Variants in STAG1 observed in about 807,000 individuals in gnomAD.
STAG1 encodes STAG1 cohesin complex component.
A neutral mutation model predicts 170.9 loss-of-function variants in STAG1; 26 were observed. The ratio of observed to expected loss-of-function variants is 0.15; its 90% confidence interval spans 0.11 to 0.21. The LOEUF (loss-of-function observed/expected upper bound fraction) is 0.21. Ranked by LOEUF, STAG1 falls within the 10% of genes least tolerant of loss-of-function variation. The probability of loss-of-function intolerance (pLI) is 1.00; values close to 1 mark genes in which losing one functional copy is unlikely to be tolerated. For synonymous variants in STAG1, 514 were observed against 497.7 expected, an observed-to-expected ratio of 1.03 and a Z score of -0.44; for missense variants, 964 against 1,509.5, an observed-to-expected ratio of 0.64 and a Z score of 5.99.
At chr3:136,746,577 T>C (rs1934944848) in intron 1 of STAG1, among the ~76,000 whole-genome samples, 1 of 152,224 alleles carries the variant, frequency 6.6e-6, no homozygotes, top group Admixed American at 6.5e-5. Context: ...CTTGGACTGC[T>C]AAACCGTATG....
chr3:136,476,613 T>C (rs1024406718), intron 10 of STAG1, among the ~76,000 whole-genome samples: 1 of 152,200 alleles, frequency 6.6e-6, no homozygotes, highest in African/African-American at 2.4e-5. Context: ...GTAGTATTCA[T>C]GAAAAATACT....
intron 14 of STAG1, among the ~76,000 whole-genome samples, chr3:136,448,456 G>C (rs2088846866): frequency 6.6e-6 from 1 of 152,092 alleles, no homozygotes; most frequent in African/African-American, 2.4e-5. Flanking sequence ...CTTGTGCAGG[G>C]GAAATCCCAT....
At chr3:136,605,255 C>G (rs985204041) in intron 3 of STAG1, among the ~76,000 whole-genome samples, 1 of 152,156 alleles carries the variant, frequency 6.6e-6, no homozygotes, top group Non-Finnish European at 1.5e-5. Flanking sequence ...AGTTTACATT[C>G]TTTAATTAAC....
intron 9 of STAG1, among the ~76,000 whole-genome samples, chr3:136,478,334 C>A (rs901239446): frequency 6.6e-6 from 1 of 152,148 alleles, no homozygotes; most frequent in Non-Finnish European, 1.5e-5. Context: ...AAGTAAGCAT[C>A]CAATATAACC....
At chr3:136,667,930 G>A (rs755929242) in intron 1 of STAG1, among the ~76,000 whole-genome samples, 9 of 152,070 alleles carry the variant, frequency 5.9e-5, no homozygotes, top group Non-Finnish European at 1.0e-4. Context: ...GCTCATGCCT[G>A]TAATCCCAGC....
At chr3:136,451,377 T>C (rs192587682) in intron 14 of STAG1, among the ~76,000 whole-genome samples, 3 of 152,286 alleles carry the variant, frequency 2.0e-5, no homozygotes, top group Non-Finnish European at 4.4e-5. Context: ...TCAAACAAGA[T>C]AAAACTAATG....
chr3:136,716,904 T>C (rs1036950694), intron 1 of STAG1, among the ~76,000 whole-genome samples: 4 of 152,246 alleles, frequency 2.6e-5, no homozygotes, highest in Non-Finnish European at 5.9e-5. Context: ...TTTCCTCATA[T>C]ATGAAGTGAG....
chr3:136,505,855 A>G (rs699165), intron 7 of STAG1, among the ~76,000 whole-genome samples: 112,373 of 152,174 alleles, frequency 0.74, 41,726 homozygotes, highest in East Asian at 0.86. Context: ...GAATGGTCAC[A>G]TGATTCCACA....
At chr3:136,405,605 C>G (rs1413677813) in intron 21 of STAG1, among the ~76,000 whole-genome samples, 1 of 151,160 alleles carries the variant, frequency 6.6e-6, no homozygotes, top group Non-Finnish European at 1.5e-5. Flanking sequence ...CCTGTACTCC[C>G]AGCACTTTGG....
chr3:136,438,188 A>G (rs2088511968), intron 15 of STAG1, among the ~76,000 whole-genome samples: 2 of 151,156 alleles, frequency 1.3e-5, no homozygotes, highest in Middle Eastern at 3.5e-3. Flanking sequence ...CTATCTAGAT[A>G]GCTCTTTTAT....
rs964661767 is a variant in STAG1 at position 136,417,544 on chromosome 3, C to G, written c.2196+341G>C. ...AAGCCATACTTAATATGATTAATAC[C>G]TAGAACACGGCTGGAATATACCCAT... On this transcript the variant is annotated intron_variant, in intron 21 of 33. Coordinates refer to ENST00000383202, the MANE Select transcript of STAG1 (RefSeq NM_005862.3). 5.5e-5 allele frequency: 11 copies of G among 200,468 alleles called. No homozygotes were observed. The South Asian group carries it at 9.1e-4, about 17-fold the overall frequency. 12.4% of individuals were successfully genotyped at this position (200,468 alleles called of 1,614,324 possible). A position where few individuals can be genotyped will look rare whatever the true frequency, so the allele number is the denominator to read the frequency against.
At chr3:136,508,887 C>T (rs555420870) in intron 7 of STAG1, among the ~76,000 whole-genome samples, 7 of 149,472 alleles carry the variant, frequency 4.7e-5, no homozygotes, top group Middle Eastern at 3.5e-3. Flanking sequence ...CGCGCGTGCG[C>T]GAGAGAGAGA....
intron 14 of STAG1, among the ~76,000 whole-genome samples, chr3:136,447,864 G>A (rs996457685): frequency 1.1e-4 from 16 of 152,000 alleles, no homozygotes; most frequent in African/African-American, 3.4e-4. Flanking sequence ...TGATCTGCCC[G>A]CCTCCACCTC....
intron 1 of STAG1, among the ~76,000 whole-genome samples, chr3:136,735,673 C>T (rs1025496024): frequency 3.3e-5 from 5 of 152,058 alleles, no homozygotes; most frequent in South Asian, 2.1e-4. Flanking sequence ...AGTGCAATGG[C>T]GCGATTTCTG....
chr3:136,519,640 G>T (rs1306657425), intron 7 of STAG1, among the ~76,000 whole-genome samples: 3 of 149,180 alleles, frequency 2.0e-5, no homozygotes, highest in Non-Finnish European at 4.5e-5. Flanking sequence ...AAAGTATAAA[G>T]AAAAGAAAAA....
At chr3:136,344,622 CT>C (rs1448124711) in intron 29 of STAG1, among the ~76,000 whole-genome samples, 1 of 151,884 alleles carries the variant, frequency 6.6e-6, no homozygotes, top group Admixed American at 6.6e-5. Context: ...TTTGTTTAAA[CT>C]TTTTTTTCAA....
intron 1 of STAG1, among the ~76,000 whole-genome samples, chr3:136,634,776 T>C (rs564285860): frequency 3.9e-5 from 6 of 152,112 alleles, no homozygotes; most frequent in Admixed American, 2.0e-4. Context: ...AACCACAAGT[T>C]TGTTGTTGGA....
At chr3:136,717,978 T>C (rs1490289809) in intron 1 of STAG1, among the ~76,000 whole-genome samples, 1 of 152,142 alleles carries the variant, frequency 6.6e-6, no homozygotes, top group African/African-American at 2.4e-5. Flanking sequence ...TATAATCTTT[T>C]TCTGATAGAA....
At chr3:136,610,587 T>A (rs917057439) in intron 3 of STAG1, among the ~76,000 whole-genome samples, 3 of 152,068 alleles carry the variant, frequency 2.0e-5, no homozygotes, top group African/African-American at 7.2e-5. Context: ...TCAAGGAAAA[T>A]TTGCCTCCAA....
Sources: gnomAD v4.1 joint callset for allele counts (sites outside exome capture counted in the v4.1 genomes callset) on GRCh38, gnomAD v4.1.1 for gene constraint, MANE v1.5 for transcripts, NCBI Gene and HGNC (gene_info 2026-07-23, HGNC 2026-07-21) for gene names.